Variants in PRXL2B observed in about 807,000 individuals in gnomAD.
PRXL2B encodes the protein peroxiredoxin like 2B, also known as prostamide/prostaglandin F synthase.
In PRXL2B, 26 loss-of-function variants were observed where a neutral mutation model predicts 24.4. That is an observed-to-expected ratio of 1.07 (90% CI 0.78 to 1.48). The LOEUF (loss-of-function observed/expected upper bound fraction) is 1.48, where lower values mean the gene tolerates loss of function less well. PRXL2B is among the 40% of genes most tolerant of loss of function. The pLI, the probability that PRXL2B is intolerant of heterozygous loss-of-function variation, is 0.00. For synonymous variants in PRXL2B, 115 were observed against 118.9 expected (o/e 0.97, Z 0.21); for missense variants, 269 against 264.8 (o/e 1.02, Z -0.11).
In PRXL2B at chr1:2,587,319, C is replaced by G; in HGVS notation, c.268+24C>G. 6.5e-7 allele frequency: 1 copy of G among 1,544,762 alleles called. No homozygotes were observed. Among genetic ancestry groups the G allele is most frequent in the Non-Finnish European group, 8.7e-7 (1 of 1,151,242 alleles). On this transcript the variant is annotated intron_variant, in intron 2 of 6. Transcript: ENST00000419916. This position sits in a 1 kb window ranked among gnomAD's most constrained non-coding sequence, Gnocchi z 6.1. ...AGGTGCGTCCTGTTCCCCGCCGCGG[C>G]GGCGCACATACCCTTCCCTAAGCTC... is the stretch of plus-strand genomic sequence containing the variant.
rs1252415008 is a variant in PRXL2B, at chr1:2,589,976, G to A, written c.*549G>A. On this transcript the variant is annotated 3_prime_UTR_variant, in exon 7 of 7. Transcript: ENST00000419916. ...AGGTGATGGGCCAGCCTGCCCCAAG[G>A]CTCTTTACTGATGTCAGAATCATTG... The A allele has an allele frequency of 6.4e-6, 1 of 157,142 alleles. No individual in the cohort carries two copies. The highest frequency in any genetic ancestry group is 1.9e-4 in the East Asian group (1 of 5,344). 9.7% of individuals were successfully genotyped at this position (157,142 alleles called of 1,614,324 possible).
rs1644664680 is a variant in PRXL2B, at chr1:2,590,630, G to A, written c.*1203G>A. ...ACCCTGGTCCCTCCCAGACAAGCAA[G>A]GCCTCTGATTTCTTTGAAGCATTTA... is the stretch of plus-strand genomic sequence containing the variant. On this transcript the variant is annotated 3_prime_UTR_variant, in exon 7 of 7. Coordinates refer to ENST00000419916, the MANE Select transcript of PRXL2B (RefSeq NM_152371.5). 8.9e-6 allele frequency: 2 copies of A among 224,464 alleles called. No individual in the cohort carries two copies. The highest frequency in any genetic ancestry group is 1.2e-4 in the Admixed American group (2 of 17,172). The allele number at this position is 224,464 out of a possible 1,614,324, so 13.9% of individuals were successfully genotyped here. A position where few individuals can be genotyped will look rare whatever the true frequency, so the allele number is the denominator to read the frequency against.
At position 2,587,222 on chromosome 1, in the gene PRXL2B, C is replaced by T; in HGVS notation, c.195C>T (p.Gly65=). 6.4e-7 allele frequency: 1 copy of T among 1,573,090 alleles called. No homozygotes were observed. Among genetic ancestry groups the T allele is most frequent in the Non-Finnish European group, 8.6e-7 (1 of 1,165,770 alleles). ...SSLAGLLDQH[G]VRLVGVGPEA... is the part of the protein sequence containing the mutation. ...TTGCTGGGCTCCTGGACCAACACGGCGTGCGCCTGGTGGGCGTAGGGCCCG... is the reference window on the plus strand; with the variant it reads ...TTGCTGGGCTCCTGGACCAACACGGTGTGCGCCTGGTGGGCGTAGGGCCCG... The change falls in exon 2 of 7, where the codon GGC becomes GGT. Residue 65 remains glycine, a synonymous_variant. Coordinates refer to ENST00000419916, the MANE Select transcript of PRXL2B (RefSeq NM_152371.5). The surrounding 1 kb of genome is among the most constrained non-coding windows in gnomAD (Gnocchi z 6.1).
rs970832434 is a variant in PRXL2B, at chr1:2,588,393, C to T, written c.324C>T (p.Tyr108=). The T allele has an allele frequency of 2.5e-6, 4 of 1,614,158 alleles. No individual in the cohort carries two copies. The highest frequency in any genetic ancestry group is 2.5e-6 in the Non-Finnish European group (3 of 1,180,044). Reference sequence around the variant, plus strand: ...AAGCGACCTGGTGTCTTCGCAGGTACAACAGCCTGAGCATCCTCCCAGCAG... The same window carrying T: ...AAGCGACCTGGTGTCTTCGCAGGTATAACAGCCTGAGCATCCTCCCAGCAG... ...QLYKELGFKR[Y]NSLSILPAAL... is the part of the protein sequence containing the mutation. The change falls in exon 4 of 7, where the codon TAC becomes TAT. Residue 108 remains tyrosine, a synonymous_variant. Coordinates refer to ENST00000419916, the MANE Select transcript of PRXL2B (RefSeq NM_152371.5).
chr1:2,588,696 C>A, intron 5 of PRXL2B, 71 bp downstream of exon 5: 1 of 1,524,206 alleles, frequency 6.6e-7, no homozygotes, highest in Non-Finnish European at 9.0e-7. Context: ...CCAGCCCAGG[C>A]CCTCTCTCTG....
Position 2,587,386 on chromosome 1 carries a change from G to C in PRXL2B, c.268+91G>C. 7.0e-7 allele frequency: 1 copy of C among 1,427,048 alleles called. No homozygotes were observed. Among genetic ancestry groups the C allele is most frequent in the Non-Finnish European group, 9.5e-7 (1 of 1,056,716 alleles). 88.4% of individuals were successfully genotyped at this position (1,427,048 alleles called of 1,614,324 possible). A position where few individuals can be genotyped will look rare whatever the true frequency, so the allele number is the denominator to read the frequency against. ...TTTCCTGCCCAACCCCGGCCCTTCTGTCTGCTGGAGCGGCCTTGATATGCC... is the reference window on the plus strand; with the variant it reads ...TTTCCTGCCCAACCCCGGCCCTTCTCTCTGCTGGAGCGGCCTTGATATGCC... On this transcript the variant is annotated intron_variant, in intron 2 of 6. Transcript: ENST00000419916. This position sits in a 1 kb window ranked among gnomAD's most constrained non-coding sequence, Gnocchi z 6.1.
In PRXL2B at chr1:2,587,605, C is replaced by T. The variant is rs150933729; in HGVS notation, c.269-136C>T. The stretch of plus-strand genomic sequence containing the variant: ...CTCAGCCCCGTTTTACCCCTCCCTG[C>T]CCTGCGGGGGTGGGCTGAGCACGGA... On this transcript the variant is annotated intron_variant, in intron 2 of 6. Transcript: ENST00000419916. This position sits in a 1 kb window ranked among gnomAD's most constrained non-coding sequence, Gnocchi z 6.1. 4,989 of 1,061,324 alleles carry T rather than the reference C, an allele frequency of 4.7e-3. 151 individuals are homozygous for T. The African/African-American group carries it at 0.07, about 15-fold the overall frequency. 65.7% of individuals were successfully genotyped at this position (1,061,324 alleles called of 1,614,324 possible).
chr1:2,589,466 G>A lies in PRXL2B; in HGVS notation c.*39G>A, dbSNP rs375431254. 15 of 1,613,412 alleles carry A rather than the reference G, an allele frequency of 9.3e-6. No homozygotes were observed. In the African/African-American group the frequency reaches 9.3e-5, roughly 10 times the overall value. On this transcript the variant is annotated 3_prime_UTR_variant, in exon 7 of 7. Coordinates refer to ENST00000419916, the MANE Select transcript of PRXL2B (RefSeq NM_152371.5). ...CCTGGCCTCCGAGGATCTGGGTGGC[G>A]TCTGCTGCCCTAGGTGTGCTGGAAG...
rs770867206 is a variant in PRXL2B at position 2,588,952 on chromosome 1, A to G, written c.491A>G (p.Gln164Arg). Residue 164 changes from glutamine to arginine, a missense_variant, in exon 6 of 7, where the codon CAG becomes CGG. Gln to Arg is a conservative substitution (Grantham distance 43). Coordinates refer to ENST00000419916, the MANE Select transcript of PRXL2B (RefSeq NM_152371.5). ...GGDKVLLHFVQKSPGDYVPKE... is the reference protein window; with the variant it reads ...GGDKVLLHFVRKSPGDYVPKE... ...GATAAAGTGCTCCTGCATTTCGTCCAGAAGTCCCCAGGCGACTACGTCCCC... is the reference window on the plus strand; with the variant it reads ...GATAAAGTGCTCCTGCATTTCGTCCGGAAGTCCCCAGGCGACTACGTCCCC... 5 of 1,613,194 alleles carry G rather than the reference A, an allele frequency of 3.1e-6. No individual in the cohort carries two copies. In the African/African-American group the frequency reaches 5.3e-5, roughly 17 times the overall value.
In PRXL2B at chr1:2,587,944, C is replaced by A; in HGVS notation, c.320+152C>A. ...GGCTCTGGTGGCACTGTTGACCAGC[C>A]CTTCTGCCAGGCCTTCTCTTGGGTG... On this transcript the variant is annotated intron_variant, in intron 3 of 6. Transcript: ENST00000419916. This position sits in a 1 kb window ranked among gnomAD's most constrained non-coding sequence, Gnocchi z 6.1. The A allele has an allele frequency of 1.2e-6, 1 of 849,194 alleles. No homozygotes were observed. The highest frequency in any genetic ancestry group is 1.7e-5 in the South Asian group (1 of 57,664). The allele number at this position is 849,194 out of a possible 1,614,324, so 52.6% of individuals were successfully genotyped here.
chr1:2,589,113 C>A, intron 6 of PRXL2B, 73 bp downstream of exon 6: 2 of 1,437,804 alleles, frequency 1.4e-6, no homozygotes, highest in Admixed American at 1.8e-5. Context: ...GAGCACTCGG[C>A]TTGGCTGGGA....
In PRXL2B at chr1:2,587,780, T is replaced by C. The variant is rs1334418066; in HGVS notation, c.308T>C (p.Leu103Pro). ...LDESKQLYKELGFKRYNSLSI... is the reference protein window; with the variant it reads ...LDESKQLYKEPGFKRYNSLSI... ...GAGAGCAAGCAGCTTTACAAGGAGC[T>C]AGGCTTCAAGCGGTGAGTGGGGGCG... The change falls in exon 3 of 7, where the codon CTA becomes CCA. Residue 103 changes from leucine to proline, a missense_variant. Physicochemically the swap from Leu to Pro is moderately conservative, Grantham distance 98 (BLOSUM62 -3). Coordinates refer to ENST00000419916, the MANE Select transcript of PRXL2B (RefSeq NM_152371.5). This position sits in a 1 kb window ranked among gnomAD's most constrained non-coding sequence, Gnocchi z 6.1. 3 of 1,602,566 alleles carry C rather than the reference T, an allele frequency of 1.9e-6. No individual in the cohort carries two copies. The highest frequency in any genetic ancestry group is 3.4e-4 in the Middle Eastern group (2 of 5,914).
At chr1:2,589,150 T>A in intron 6 of PRXL2B, 110 bp downstream of exon 6, 1 of 1,115,576 alleles carries the variant, frequency 9.0e-7, no homozygotes, top group Non-Finnish European at 1.3e-6. Context: ...GTGGGCATCA[T>A]GCCAATTGTG....
rs531865788 is a variant in PRXL2B at position 2,591,330 on chromosome 1, A to G, written c.*1903A>G. 80 of 599,290 alleles carry G rather than the reference A, an allele frequency of 1.3e-4. No individual in the cohort carries two copies. The highest frequency in any genetic ancestry group is 2.2e-4 in the Non-Finnish European group (75 of 337,842). 37.1% of individuals were successfully genotyped at this position (599,290 alleles called of 1,614,324 possible). A position where few individuals can be genotyped will look rare whatever the true frequency, so the allele number is the denominator to read the frequency against. On this transcript the variant is annotated 3_prime_UTR_variant, in exon 7 of 7. Transcript: ENST00000419916. ...TGCAATAAAACTCTCCTTCACACAGAAACATTCGCAGCCTGCGGTAGGCTC... is the reference window on the plus strand; with the variant it reads ...TGCAATAAAACTCTCCTTCACACAGGAACATTCGCAGCCTGCGGTAGGCTC...
chr1:2,587,314 C>T lies in PRXL2B; in HGVS notation c.268+19C>T. On this transcript the variant is annotated intron_variant, in intron 2 of 6. Transcript: ENST00000419916. This position sits in a 1 kb window ranked among gnomAD's most constrained non-coding sequence, Gnocchi z 6.1. ...GCGGGAGGTGCGTCCTGTTCCCCGC[C>T]GCGGCGGCGCACATACCCTTCCCTA... 1 of 1,547,582 alleles carries T rather than the reference C, an allele frequency of 6.5e-7. No homozygotes were observed. Among genetic ancestry groups the T allele is most frequent in the Admixed American group, 1.9e-5 (1 of 52,486 alleles).
At position 2,587,325 on chromosome 1, in the gene PRXL2B, A is replaced by C. The variant is rs370605378; in HGVS notation, c.268+30A>C. The C allele has an allele frequency of 5.8e-6, 9 of 1,541,874 alleles. No individual in the cohort carries two copies. Among genetic ancestry groups the C allele is most frequent in the Middle Eastern group, 1.7e-4 (1 of 5,994 alleles). ...GTCCTGTTCCCCGCCGCGGCGGCGC[A>C]CATACCCTTCCCTAAGCTCAGGGCG... On this transcript the variant is annotated intron_variant, in intron 2 of 6. Coordinates refer to ENST00000419916, the MANE Select transcript of PRXL2B (RefSeq NM_152371.5). This position sits in a 1 kb window ranked among gnomAD's most constrained non-coding sequence, Gnocchi z 6.1.
Position 2,591,291 on chromosome 1 carries a change from A to C in PRXL2B, c.*1864A>C. 1.7e-6 allele frequency: 1 copy of C among 595,482 alleles called. No homozygotes were observed. The highest frequency in any genetic ancestry group is 2.8e-5 in the East Asian group (1 of 35,666). 36.9% of individuals were successfully genotyped at this position (595,482 alleles called of 1,614,324 possible). A position where few individuals can be genotyped will look rare whatever the true frequency, so the allele number is the denominator to read the frequency against. ...TGAGAATAACCTCCCCTCCAGCCAG[A>C]GATATTCCAACTCTGCAATAAAACT... On this transcript the variant is annotated 3_prime_UTR_variant, in exon 7 of 7. Coordinates refer to ENST00000419916, the MANE Select transcript of PRXL2B (RefSeq NM_152371.5).
intron 4 of PRXL2B, 22 bp downstream of exon 4, chr1:2,588,475 A>G (rs1644584360): frequency 1.2e-6 from 2 of 1,613,914 alleles, no homozygotes; most frequent in South Asian, 2.2e-5. Context: ...TCAAGGGTGT[A>G]CAGGCCGGGG....
At position 2,591,428 on chromosome 1, in the gene PRXL2B, C is replaced by T. The variant is rs1367840636; in HGVS notation, c.*2001C>T. ...TGACCGAAATCGGCCAGAAGCCCCT[C>T]TCAGGTTTATTCCCAAAATAAACCT... is the stretch of plus-strand genomic sequence containing the variant. On this transcript the variant is annotated 3_prime_UTR_variant, in exon 7 of 7. Transcript: ENST00000419916. The T allele has an allele frequency of 6.4e-6, 5 of 775,810 alleles. No individual in the cohort carries two copies. The highest frequency in any genetic ancestry group is 4.0e-5 in the Admixed American group (2 of 50,042). 48.1% of individuals were successfully genotyped at this position (775,810 alleles called of 1,614,324 possible). A position where few individuals can be genotyped will look rare whatever the true frequency, so the allele number is the denominator to read the frequency against.
Sources: allele counts gnomAD v4.1 joint callset, GRCh38; gene constraint gnomAD v4.1.1; non-coding constraint Gnocchi (gnomAD v3.1); transcripts MANE v1.5; gene names NCBI Gene and HGNC (gene_info 2026-07-23, HGNC 2026-07-21).